The following GAS2 variants were observed in gnomAD, a reference collection of about 807,000 sequenced individuals.
GAS2 encodes the protein growth arrest-specific protein 2.
GAS2 carries 20 observed loss-of-function variants against 37.5 expected under a neutral mutation model. The ratio of observed to expected loss-of-function variants is 0.53; its 90% CI spans 0.37 to 0.77. The LOEUF (loss-of-function observed/expected upper bound fraction) is 0.77. Ranked by LOEUF, GAS2 falls within the 30% of genes least tolerant of loss-of-function variation. The probability of loss-of-function intolerance (pLI) is 0.00; values close to 1 mark genes in which losing one functional copy is unlikely to be tolerated. For synonymous variants in GAS2, 144 were observed against 132.2 expected (o/e 1.09, Z -0.61); for missense variants, 336 against 373.4 (o/e 0.90, Z 0.82).
At chr11:22,745,144 A>G (rs1853319138) in intron 5 of GAS2, among the ~76,000 whole-genome samples, 1 of 151,444 alleles carries the variant, frequency 6.6e-6, no homozygotes, top group Non-Finnish European at 1.5e-5. Context: ...GAAAGAAAAA[A>G]GCCCAAATAG....
chr11:22,746,477 G>A (rs116074704), intron 5 of GAS2, among the ~76,000 whole-genome samples: 2,104 of 152,222 alleles, frequency 0.014, 57 homozygotes, highest in African/African-American at 0.048. Flanking sequence ...CATCAATGGT[G>A]GATTGGATAA....
At chr11:22,792,837 G>A (rs1488641449) in intron 7 of GAS2, among the ~76,000 whole-genome samples, 1 of 152,170 alleles carries the variant, frequency 6.6e-6, no homozygotes, top group Non-Finnish European at 1.5e-5. Context: ...TTGGAAGTGA[G>A]CCCCAAGCTT....
At chr11:22,766,985 G>T (rs915104420) in intron 7 of GAS2, among the ~76,000 whole-genome samples, 1 of 152,124 alleles carries the variant, frequency 6.6e-6, no homozygotes, top group Non-Finnish European at 1.5e-5. Context: ...GAAAACGTTG[G>T]CATAGCAACT....
chr11:22,800,248 G>T (rs569625846), intron 7 of GAS2, among the ~76,000 whole-genome samples: 184 of 152,180 alleles, frequency 1.2e-3, no homozygotes, highest in African/African-American at 4.2e-3. Context: ...AAAAGAGAAG[G>T]TATCAGAATT....
At chr11:22,754,546 A>C (rs1481894305) in intron 6 of GAS2, among the ~76,000 whole-genome samples, 2 of 151,950 alleles carry the variant, frequency 1.3e-5, no homozygotes, top group African/African-American at 4.8e-5. Context: ...ATACATCCTC[A>C]CTGAGTCATA....
chr11:22,746,183 A>G (rs1392279019), intron 5 of GAS2, among the ~76,000 whole-genome samples: 1 of 152,100 alleles, frequency 6.6e-6, no homozygotes, highest in African/African-American at 2.4e-5. Flanking sequence ...TCATGTCTCA[A>G]AAACAAACAA....
chr11:22,786,842 G>C (rs923231053), intron 7 of GAS2, among the ~76,000 whole-genome samples: 1 of 152,130 alleles, frequency 6.6e-6, no homozygotes, highest in African/African-American at 2.4e-5. Context: ...TCAGAAAGAA[G>C]TGAGAAAGGC....
At chr11:22,733,349 A>G (rs994308270) in intron 4 of GAS2, among the ~76,000 whole-genome samples, 4 of 151,750 alleles carry the variant, frequency 2.6e-5, no homozygotes, top group African/African-American at 7.2e-5. Context: ...AGTGAACAAC[A>G]TTTATCCTAA....
At chr11:22,741,506 A>G (rs776222180) in intron 5 of GAS2, among the ~76,000 whole-genome samples, 3 of 152,080 alleles carry the variant, frequency 2.0e-5, no homozygotes, top group Non-Finnish European at 4.4e-5. Context: ...ATCAATAATC[A>G]GTGGTATAGT....
chr11:22,789,480 G>A (rs1422300470), intron 7 of GAS2, among the ~76,000 whole-genome samples: 2 of 7,146 alleles, frequency 2.8e-4, no homozygotes, highest in Admixed American at 3.0e-3. Flanking sequence ...TTTTTTTTTT[G>A]AGGCAGAGTC....
At chr11:22,777,155 T>C (rs903656714) in intron 7 of GAS2, among the ~76,000 whole-genome samples, 1 of 152,158 alleles carries the variant, frequency 6.6e-6, no homozygotes, top group Non-Finnish European at 1.5e-5. Flanking sequence ...ACGAGTTGTT[T>C]TATGTGTACT....
intron 1 of GAS2, among the ~76,000 whole-genome samples, chr11:22,639,273 GGTTA>G (rs1164256906): frequency 6.6e-6 from 1 of 152,140 alleles, no homozygotes; most frequent in African/African-American, 2.4e-5. Context: ...TTGAGTAAAT[GGTTA>G]GTTAGCCCAG....
intron 1 of GAS2, among the ~76,000 whole-genome samples, chr11:22,647,899 T>C (rs1394281255): frequency 1.3e-5 from 2 of 152,210 alleles, no homozygotes. Context: ...TGGTAGTTTC[T>C]TTTGCTGTGC....
chr11:22,727,060 C>G (rs554713549), intron 4 of GAS2, among the ~76,000 whole-genome samples: 11 of 152,198 alleles, frequency 7.2e-5, no homozygotes, highest in African/African-American at 2.6e-4. Context: ...TAGGCAAAGT[C>G]ACTTCCAAAT....
intron 3 of GAS2, among the ~76,000 whole-genome samples, chr11:22,724,583 A>G (rs1852105743): frequency 6.6e-6 from 1 of 152,072 alleles, no homozygotes; most frequent in Non-Finnish European, 1.5e-5. Flanking sequence ...CATCTAGGAA[A>G]GCATTCTTTT....
chr11:22,789,454 A>C (rs1283982640), intron 7 of GAS2, among the ~76,000 whole-genome samples: 742 of 61,120 alleles, frequency 0.012, 44 homozygotes, highest in African/African-American at 0.041. Context: ...ATATATATAT[A>C]TTCTTTTTTT....
chr11:22,666,578 T>G (rs1443055323), upstream of GAS2: 1 of 152,182 alleles, frequency 6.6e-6, no homozygotes, highest in African/African-American at 2.4e-5. Context: ...GGTAAATCAG[T>G]GTCAACTGCA....
intron 3 of GAS2, among the ~76,000 whole-genome samples, chr11:22,700,224 A>G (rs1850759749): frequency 6.6e-6 from 1 of 152,204 alleles, no homozygotes. Flanking sequence ...ATAGATGCTC[A>G]GTAGACATGG....
At chr11:22,740,449 A>C (rs947171635) in intron 5 of GAS2, among the ~76,000 whole-genome samples, 1 of 152,132 alleles carries the variant, frequency 6.6e-6, no homozygotes. Flanking sequence ...GGTGTGAACT[A>C]TTGTGTACCT....
Sources: allele counts gnomAD v4.1 joint callset (sites outside exome capture counted in the v4.1 genomes callset), GRCh38; gene constraint gnomAD v4.1.1; transcripts MANE v1.5; gene names NCBI Gene and HGNC (gene_info 2026-07-23, HGNC 2026-07-21).